The following HMGXB4 variants were observed in gnomAD, a reference collection of about 807,000 sequenced individuals.
HMGXB4 encodes the protein HMG-box containing 4.
Under a neutral mutation model 63.9 loss-of-function variants are expected in HMGXB4, and 27 were observed. The ratio of observed to expected loss-of-function variants is 0.42; its 90% CI spans 0.31 to 0.58. HMGXB4 has a LOEUF of 0.58. HMGXB4 is among the 20% of genes least tolerant of loss of function. HMGXB4 has a pLI of 0.13. For synonymous variants in HMGXB4, 264 were observed against 265.3 expected, an observed-to-expected ratio of 0.99 and a Z score of 0.05; for missense variants, 624 against 700.7, an observed-to-expected ratio of 0.89 and a Z score of 1.24.
intron 5 of HMGXB4, among the ~76,000 whole-genome samples, chr22:35,266,672 C>A (rs1258421964): frequency 6.6e-6 from 1 of 152,144 alleles, no homozygotes; most frequent in Admixed American, 6.5e-5. Flanking sequence ...CGACTAAGAA[C>A]GAGAAAATCA....
intron 5 of HMGXB4, among the ~76,000 whole-genome samples, chr22:35,269,638 G>T (rs1231076713): frequency 6.6e-6 from 1 of 152,204 alleles, no homozygotes; most frequent in Non-Finnish European, 1.5e-5. Context: ...GCAGTTTGGG[G>T]TTTATAAGCA....
chr22:35,276,503 G>A (rs553280560), intron 5 of HMGXB4, among the ~76,000 whole-genome samples: 5 of 152,160 alleles, frequency 3.3e-5, no homozygotes, highest in Non-Finnish European at 7.3e-5. Context: ...TTCTTAGAGT[G>A]GAATGAGTGG....
At chr22:35,288,525 C>A in intron 9 of HMGXB4, 118 bp downstream of exon 9, 1 of 659,512 alleles carries the variant, frequency 1.5e-6, no homozygotes, top group Middle Eastern at 3.2e-4. Flanking sequence ...TAAATTATGC[C>A]AGGTTCTCAG....
the HMGXB4 span, among the ~76,000 whole-genome samples, chr22:35,250,990 G>A: frequency 3.3e-5 from 5 of 152,152 alleles, no homozygotes; most frequent in African/African-American, 1.2e-4. Context: ...CCTGTAGCCT[G>A]GGCAGTGGCC....
chr22:35,250,885 A>G, the HMGXB4 span, among the ~76,000 whole-genome samples: 1 of 152,028 alleles, frequency 6.6e-6, no homozygotes, highest in East Asian at 1.9e-4. Flanking sequence ...GAGAGCTACA[A>G]AGGGCCTTTT....
At chr22:35,252,799 C>G (rs958462029), upstream of HMGXB4, among the ~76,000 whole-genome samples, 1 of 152,008 alleles carries the variant, frequency 6.6e-6, no homozygotes, top group Non-Finnish European at 1.5e-5. Context: ...GTCAAGAGTT[C>G]GAGACCAGCC....
chr22:35,290,854 A>AT (rs1193753602), intron 9 of HMGXB4, among the ~76,000 whole-genome samples: 3 of 152,012 alleles, frequency 2.0e-5, no homozygotes, highest in Non-Finnish European at 4.4e-5. Context: ...GTTATATTCT[A>AT]TTTTTTTAAT....
At chr22:35,281,545 A>G (rs1236978895) in intron 5 of HMGXB4, among the ~76,000 whole-genome samples, 2 of 152,250 alleles carry the variant, frequency 1.3e-5, no homozygotes, top group Non-Finnish European at 1.5e-5. Flanking sequence ...TAGGAACATT[A>G]ACCTTTTACA....
chr22:35,268,200 CA>C (rs1682778592), intron 5 of HMGXB4, among the ~76,000 whole-genome samples: 1 of 152,204 alleles, frequency 6.6e-6, no homozygotes, highest in South Asian at 2.1e-4. Context: ...CAGACATTAC[CA>C]TCATCCCAGA....
chr22:35,262,227 C>T, intron 1 of HMGXB4, 96 bp from the exon 2 acceptor site: 1 of 688,510 alleles, frequency 1.5e-6, no homozygotes, highest in Non-Finnish European at 2.6e-6. Flanking sequence ...GCTGCCCTTC[C>T]AGTCAGCCCT....
Position 35,264,860 on chromosome 22 carries a change from G to A in HMGXB4, c.472G>A (p.Glu158Lys), listed in dbSNP as rs1212674199. The change falls in exon 5 of 11, where the codon GAA becomes AAA. Residue 158 changes from glutamate (E) to lysine (K), a missense_variant. Glu to Lys is a moderately conservative substitution (Grantham distance 56). Transcript: ENST00000216106. ...HRKKVSGSSG[E>K]LPLEDGGSHK... Reference sequence around the variant, plus strand: ...GAAGAAAGTCAGTGGAAGCAGTGGGGAACTACCCCTAGAGGATGGTGGCTC... The same window carrying A: ...GAAGAAAGTCAGTGGAAGCAGTGGGAAACTACCCCTAGAGGATGGTGGCTC... 2.5e-6 allele frequency: 4 copies of A among 1,613,940 alleles called. No homozygotes were observed. Among genetic ancestry groups the A allele is most frequent in the Non-Finnish European group, 2.5e-6 (3 of 1,179,988 alleles).
intron 5 of HMGXB4, among the ~76,000 whole-genome samples, chr22:35,272,990 A>T (rs953029579): frequency 3.3e-5 from 5 of 152,202 alleles, no homozygotes; most frequent in African/African-American, 1.2e-4. Flanking sequence ...GCCTTTAGTT[A>T]TCTGTGTGTT....
chr22:35,264,504 T>C, intron 4 of HMGXB4, 144 bp from the exon 5 acceptor site: 1 of 645,918 alleles, frequency 1.5e-6, no homozygotes. Context: ...CATTTCTCAA[T>C]GTTAGGAATC....
At chr22:35,252,873 G>A (rs546915661), upstream of HMGXB4, among the ~76,000 whole-genome samples, 3 of 152,150 alleles carry the variant, frequency 2.0e-5, no homozygotes, top group South Asian at 2.1e-4. Flanking sequence ...ATGATGGCAC[G>A]CGCCTGTAAT....
At chr22:35,272,576 G>T (rs1923671950) in intron 5 of HMGXB4, among the ~76,000 whole-genome samples, 1 of 152,144 alleles carries the variant, frequency 6.6e-6, no homozygotes, top group Admixed American at 6.5e-5. Flanking sequence ...GGAGGAGCAG[G>T]ATACAGTTAC....
rs541490503 is a variant in HMGXB4, at chr22:35,294,906, T to G, written c.*1255T>G. On this transcript the variant is annotated 3_prime_UTR_variant, in exon 11 of 11. Coordinates refer to ENST00000216106, the MANE Select transcript of HMGXB4 (RefSeq NM_001003681.3). ...ATTTTAAGGTATTTTACCTCAAAAA[T>G]GAATCATTGTGTTAGGATTCTAATT... 10 of 152,306 alleles carry G rather than the reference T, an allele frequency of 6.6e-5. No individual in the cohort carries two copies. Among genetic ancestry groups the G allele is most frequent in the African/African-American group, 1.7e-4 (7 of 41,572 alleles). The allele number at this position is 152,306 out of a possible 1,614,324, so 9.4% of individuals were successfully genotyped here. A position where few individuals can be genotyped will look rare whatever the true frequency, so the allele number is the denominator to read the frequency against.
intron 3 of HMGXB4, 66 bp from the exon 4 acceptor site, chr22:35,263,730 C>T: frequency 9.4e-7 from 1 of 1,063,896 alleles, no homozygotes; most frequent in Non-Finnish European, 1.5e-6. Flanking sequence ...TCATCAAAGA[C>T]AAGAGTGGTT....
chr22:35,243,281 C>A, the HMGXB4 span, among the ~76,000 whole-genome samples: 686 of 152,066 alleles, frequency 4.5e-3, 7 homozygotes, highest in African/African-American at 0.016. Context: ...GAGGCAGGAG[C>A]ATTGCTTGAA....
At chr22:35,288,479 C>T (rs1924729646) in intron 9 of HMGXB4, 72 bp downstream of exon 9, 1 of 1,220,224 alleles carries the variant, frequency 8.2e-7, no homozygotes, top group Non-Finnish European at 1.1e-6. Context: ...TTCATTCACT[C>T]ATTTTACATA....
Sources: gnomAD v4.1 joint callset for allele counts (sites outside exome capture counted in the v4.1 genomes callset) on GRCh38, gnomAD v4.1.1 for gene constraint, MANE v1.5 for transcripts, NCBI Gene and HGNC (gene_info 2026-07-23, HGNC 2026-07-21) for gene names.